Variants in DHRSX observed in about 807,000 individuals in gnomAD.
DHRSX encodes the protein polyprenol dehydrogenase.
In DHRSX, 31 loss-of-function variants were observed where a neutral mutation model predicts 34.0. That is an observed-to-expected ratio of 0.91 (90% CI 0.69 to 1.23). DHRSX has a LOEUF of 1.23. Ranked by LOEUF, DHRSX falls within the 50% of genes most tolerant of loss-of-function variation. DHRSX has a pLI of 0.00. For missense variants in DHRSX, 414 were observed against 428.1 expected (o/e 0.97, Z 0.29); for synonymous variants, 201 against 183.8 (o/e 1.09, Z -0.76).
In DHRSX at chrX:2,368,941, CAAAT is replaced by C. The variant is rs200740457; in HGVS notation, c.286+39800_286+39803del. 5.4e-3 allele frequency among the ~76,000 whole-genome samples: 817 copies of C among 152,158 alleles called. 14 individuals carry two copies. The highest frequency in any genetic ancestry group is 5.0e-3 in the Non-Finnish European group (338 of 68,014). Reference sequence around the variant, plus strand: ...TGGGCGAAAGAGCAAGACTCCATCTCAAATAAATAAATAAAAGTAAATAAGTAAA... The same window carrying C: ...TGGGCGAAAGAGCAAGACTCCATCTCAAATAAATAAAAGTAAATAAGTAAA... On this transcript the variant is annotated intron_variant, in intron 3 of 6. Coordinates refer to ENST00000334651, the MANE Select transcript of DHRSX (RefSeq NM_145177.3).
Sources: gnomAD v4.1 joint callset for allele counts (sites outside exome capture counted in the v4.1 genomes callset) on GRCh38, gnomAD v4.1.1 for gene constraint, MANE v1.5 for transcripts, NCBI Gene and HGNC (gene_info 2026-07-23, HGNC 2026-07-21) for gene names.